The following PCDHGA5 variants were observed in gnomAD, a reference collection of about 807,000 sequenced individuals.
PCDHGA5 encodes protocadherin gamma-A5.
Under a neutral mutation model 56.7 loss-of-function variants are expected in PCDHGA5, and 36 were observed. The observed-to-expected ratio is 0.64, with a 90% CI of 0.49 to 0.84. PCDHGA5 has a LOEUF of 0.84. PCDHGA5 is among the 40% of genes least tolerant of loss of function. The pLI is 0.00. For synonymous variants in PCDHGA5, 563 were observed against 520.2 expected (o/e 1.08, Z -1.12); for missense variants, 1,305 against 1,201.5 (o/e 1.09, Z -1.27).
intron 3 of PCDHGA5, among the ~76,000 whole-genome samples, chr5:141,510,468 A>G (rs1246106107): frequency 2.0e-5 from 3 of 152,152 alleles, no homozygotes; most frequent in Admixed American, 2.0e-4. Flanking sequence ...TGTGGGAGTC[A>G]GAGGCTCCCT....
chr5:141,423,552 C>A, intron 1 of PCDHGA5: 2 of 1,613,720 alleles, frequency 1.2e-6, no homozygotes, highest in Non-Finnish European at 1.7e-6. Context: ...CCCAGCCCAA[C>A]TATGGGGACA....
intron 2 of PCDHGA5, among the ~76,000 whole-genome samples, chr5:141,496,103 C>T (rs779317844): frequency 2.0e-5 from 3 of 152,218 alleles, no homozygotes; most frequent in South Asian, 2.1e-4. Flanking sequence ...ACCAACACCC[C>T]GCTCTCTTCC....
intron 1 of PCDHGA5, chr5:141,415,740 G>GTTTTTTTT (rs57426385): frequency 1.3e-4 from 79 of 625,006 alleles, no homozygotes; most frequent in African/African-American, 1.8e-4. Flanking sequence ...GTTTATTAAG[G>GTTTTTTTT]TTTTTTTTTT....
At chr5:141,509,481 A>G (rs2099877035) in intron 3 of PCDHGA5, among the ~76,000 whole-genome samples, 1 of 152,010 alleles carries the variant, frequency 6.6e-6, no homozygotes, top group Admixed American at 6.6e-5. Flanking sequence ...TGAGGGGTAG[A>G]GGTGATGGCA....
chr5:141,388,628 G>T (rs752578230), intron 1 of PCDHGA5: 1 of 1,613,898 alleles, frequency 6.2e-7, no homozygotes, highest in East Asian at 2.2e-5. Flanking sequence ...ACGTATACAG[G>T]GTGAGCCTTT....
chr5:141,491,794 TCCGG>T lies in PCDHGA5; in HGVS notation c.2422-3007_2422-3004del. The T allele has an allele frequency of 6.6e-7, 1 of 1,511,056 alleles. No homozygotes were observed. The highest frequency in any genetic ancestry group is 8.8e-7 in the Non-Finnish European group (1 of 1,130,146). 93.6% of individuals were successfully genotyped at this position (1,511,056 alleles called of 1,614,324 possible). A position where few individuals can be genotyped will look rare whatever the true frequency, so the allele number is the denominator to read the frequency against. Reference sequence around the variant, plus strand: ...GGGATTGAACTTGCATCCACTCCTCTCCGGCCGGCTTGGTCGCTGGCTGCGCTCC... The same window carrying T: ...GGGATTGAACTTGCATCCACTCCTCTCCGGCTTGGTCGCTGGCTGCGCTCC... On this transcript the variant is annotated intron_variant, in intron 1 of 3. Transcript: ENST00000518069. The surrounding 1 kb of genome is among the most constrained non-coding windows in gnomAD (Gnocchi z 6.9).
chr5:141,485,359 C>T lies in PCDHGA5; in HGVS notation c.2422-9448C>T. ...TGGATACGGACAGTCTGTCAGCTCG[C>T]AGGCTGCAGGTCGCTGGAGAGGTGA... is the stretch of plus-strand genomic sequence containing the variant. On this transcript the variant is annotated intron_variant, in intron 1 of 3. Transcript: ENST00000518069. The surrounding 1 kb of genome is among the most constrained non-coding windows in gnomAD (Gnocchi z 5.7). 6.2e-7 allele frequency: 1 copy of T among 1,614,144 alleles called. No homozygotes were observed. The highest frequency in any genetic ancestry group is 8.5e-7 in the Non-Finnish European group (1 of 1,180,010).
chr5:141,383,093 G>A, intron 1 of PCDHGA5: 1 of 1,613,930 alleles, frequency 6.2e-7, no homozygotes, highest in Non-Finnish European at 8.5e-7. Flanking sequence ...CGCGGAGTCC[G>A]CATCATCTCC....
At position 141,487,577 on chromosome 5, in the gene PCDHGA5, C is replaced by T; in HGVS notation, c.2422-7230C>T. 1 of 1,614,150 alleles carries T rather than the reference C, an allele frequency of 6.2e-7. No homozygotes were observed. Among genetic ancestry groups the T allele is most frequent in the Non-Finnish European group, 8.5e-7 (1 of 1,180,024 alleles). On this transcript the variant is annotated intron_variant, in intron 1 of 3. Transcript: ENST00000518069. This position sits in a 1 kb window ranked among gnomAD's most constrained non-coding sequence, Gnocchi z 5.0. ...ACCTATGGCAGGGGAGCCTGTTCGCCCAAGCTGCCCACCCTCTGATCTTCT... is the reference window on the plus strand; with the variant it reads ...ACCTATGGCAGGGGAGCCTGTTCGCTCAAGCTGCCCACCCTCTGATCTTCT...
At chr5:141,430,950 T>C (rs756423770) in intron 1 of PCDHGA5, 5 of 1,609,980 alleles carry the variant, frequency 3.1e-6, no homozygotes, top group East Asian at 2.2e-5. Flanking sequence ...GAGCGCGGAG[T>C]CCGCATCATC....
chr5:141,502,866 C>CTTTT (rs549047197), intron 2 of PCDHGA5, among the ~76,000 whole-genome samples: 3 of 128,028 alleles, frequency 2.3e-5, no homozygotes, highest in African/African-American at 6.2e-5. Flanking sequence ...GACTCTCTGT[C>CTTTT]TTTTTTTTTT....
chr5:141,420,176 C>CA (rs1162032152), intron 1 of PCDHGA5: 5 of 1,613,874 alleles, frequency 3.1e-6, no homozygotes, highest in Non-Finnish European at 4.2e-6. Flanking sequence ...ATCTGTTGAT[C>CA]ATTGTCCAGC....
intron 1 of PCDHGA5, among the ~76,000 whole-genome samples, chr5:141,380,091 G>T (rs538586012): frequency 6.6e-6 from 1 of 151,576 alleles, no homozygotes; most frequent in African/African-American, 2.4e-5. Flanking sequence ...GTAGAGATGG[G>T]GTTTTACCAT....
intron 1 of PCDHGA5, chr5:141,395,051 A>G: frequency 6.2e-7 from 1 of 1,614,178 alleles, no homozygotes; most frequent in Non-Finnish European, 8.5e-7. Flanking sequence ...TTGAGGAGGT[A>G]CAGGCTTTCC....
intron 1 of PCDHGA5, among the ~76,000 whole-genome samples, chr5:141,474,248 A>G (rs2099346089): frequency 6.6e-6 from 1 of 152,220 alleles, no homozygotes; most frequent in African/African-American, 2.4e-5. Context: ...TAGGGGAAAA[A>G]AAGACTGATA....
At chr5:141,420,420 CAA>C (rs1462714732) in intron 1 of PCDHGA5, 2 of 1,201,950 alleles carry the variant, frequency 1.7e-6, no homozygotes, top group African/African-American at 3.2e-5. Context: ...ATTATTAAAA[CAA>C]AAGTTTAAAT....
At chr5:141,371,997 C>G in intron 1 of PCDHGA5, 6 of 1,613,232 alleles carry the variant, frequency 3.7e-6, no homozygotes, top group South Asian at 1.1e-5. Context: ...TCTGCAGGCC[C>G]GCGACCAGGG....
chr5:141,429,510 T>A (rs2097220128), intron 1 of PCDHGA5, among the ~76,000 whole-genome samples: 1 of 152,124 alleles, frequency 6.6e-6, no homozygotes, highest in African/African-American at 2.4e-5. Context: ...AAACTGTGCC[T>A]GGCAGAGAAA....
At chr5:141,395,407 G>T (rs1467176036) in intron 1 of PCDHGA5, 3 of 826,654 alleles carry the variant, frequency 3.6e-6, no homozygotes, top group Non-Finnish European at 5.4e-6. Context: ...ATAGTCATAG[G>T]TTATTGTTTC....
Sources: allele counts gnomAD v4.1 joint callset (sites outside exome capture counted in the v4.1 genomes callset), GRCh38; gene constraint gnomAD v4.1.1; non-coding constraint Gnocchi (gnomAD v3.1); transcripts MANE v1.5; gene names NCBI Gene and HGNC (gene_info 2026-07-23, HGNC 2026-07-21).